MACROD2: variants seen among roughly 807,000 people sequenced by gnomAD.
MACROD2 encodes ADP-ribose glycohydrolase MACROD2.
Under a neutral mutation model 70.4 loss-of-function variants are expected in MACROD2, and 36 were observed. The observed-to-expected ratio is 0.51, with a 90% CI of 0.39 to 0.68. The LOEUF (loss-of-function observed/expected upper bound fraction) is 0.68, where lower values mean the gene tolerates loss of function less well. MACROD2 is among the 30% of genes least tolerant of loss of function. The pLI, the probability that MACROD2 is intolerant of heterozygous loss-of-function variation, is 0.00. For missense variants in MACROD2, 496 were observed against 538.4 expected (o/e 0.92, Z 0.78); for synonymous variants, 172 against 178.8 (o/e 0.96, Z 0.30).
chr20:14,290,754 C>G (rs938884628), intron 3 of MACROD2, among the ~76,000 whole-genome samples: 1 of 152,228 alleles, frequency 6.6e-6, no homozygotes, highest in Non-Finnish European at 1.5e-5. Context: ...GTTGATCCAC[C>G]CGCCTCAGCC....
intron 5 of MACROD2, among the ~76,000 whole-genome samples, chr20:14,859,555 T>C (rs2122350104): frequency 6.6e-6 from 1 of 152,306 alleles, no homozygotes; most frequent in South Asian, 2.1e-4. Flanking sequence ...CACAATACTA[T>C]TTGTTGGATA....
chr20:14,476,925 G>T (rs1481677581), intron 3 of MACROD2, among the ~76,000 whole-genome samples: 1 of 152,022 alleles, frequency 6.6e-6, no homozygotes, highest in African/African-American at 2.4e-5. Flanking sequence ...ACAGTAAAAG[G>T]CCAAGATGTG....
intron 5 of MACROD2, among the ~76,000 whole-genome samples, chr20:14,916,410 C>T (rs567709169): frequency 3.3e-5 from 5 of 152,190 alleles, no homozygotes; most frequent in East Asian, 3.9e-4. Context: ...AAAACTTGGG[C>T]GAAAAATCCA....
intron 6 of MACROD2, among the ~76,000 whole-genome samples, chr20:15,416,229 G>A (rs2046146510): frequency 6.6e-6 from 1 of 152,168 alleles, no homozygotes. Context: ...CAGGCCACGA[G>A]TAGCAATTTT....
At chr20:15,072,368 T>G (rs1462387909) in intron 5 of MACROD2, among the ~76,000 whole-genome samples, 1 of 152,200 alleles carries the variant, frequency 6.6e-6, no homozygotes, top group African/African-American at 2.4e-5. Flanking sequence ...ACAGACAGGA[T>G]AATTCATTTT....
intron 2 of MACROD2, chr20:14,053,396 G>A (rs1346234243): frequency 6.6e-6 from 1 of 152,054 alleles, no homozygotes; most frequent in Non-Finnish European, 1.5e-5. Flanking sequence ...CTTTTAATGT[G>A]GAAAAACAGC....
chr20:16,024,458 A>G (rs959511118), intron 15 of MACROD2, among the ~76,000 whole-genome samples: 4 of 152,136 alleles, frequency 2.6e-5, no homozygotes, highest in African/African-American at 9.7e-5. Context: ...ATAAAAATGT[A>G]AAGAGCACTA....
intron 4 of MACROD2, among the ~76,000 whole-genome samples, chr20:14,612,519 G>A (rs1983229927): frequency 6.6e-6 from 1 of 152,088 alleles, no homozygotes; most frequent in Non-Finnish European, 1.5e-5. Flanking sequence ...AACAGGGACA[G>A]GGTGGGGGTG....
chr20:15,347,921 T>C (rs942962062), intron 6 of MACROD2, among the ~76,000 whole-genome samples: 2 of 152,224 alleles, frequency 1.3e-5, no homozygotes, highest in Admixed American at 6.5e-5. Context: ...TTCCAAGACA[T>C]GAACCTTGTA....
chr20:14,862,642 A>T (rs868113571), intron 5 of MACROD2, among the ~76,000 whole-genome samples: 8 of 8,254 alleles, frequency 9.7e-4, no homozygotes, highest in Admixed American at 2.9e-3. Context: ...TATATATATA[A>T]ATATATATAT....
chr20:14,540,594 G>T (rs1027955560), intron 4 of MACROD2, among the ~76,000 whole-genome samples: 1 of 152,170 alleles, frequency 6.6e-6, no homozygotes, highest in Admixed American at 6.5e-5. Flanking sequence ...GGCCAATCCT[G>T]CCAGTCTCTG....
At chr20:14,132,395 G>A (rs1441138330) in intron 3 of MACROD2, among the ~76,000 whole-genome samples, 2 of 152,212 alleles carry the variant, frequency 1.3e-5, no homozygotes, top group Middle Eastern at 3.4e-3. Context: ...ATGCTGAAAT[G>A]TATGTAGCTT....
intron 8 of MACROD2, among the ~76,000 whole-genome samples, chr20:15,592,284 ATTG>A (rs966366109): frequency 5.9e-5 from 9 of 152,224 alleles, no homozygotes; most frequent in African/African-American, 2.2e-4. Context: ...AATCACTTCT[ATTG>A]TTAAGACAGA....
At chr20:14,480,584 A>G (rs1469290682) in intron 3 of MACROD2, among the ~76,000 whole-genome samples, 1 of 152,214 alleles carries the variant, frequency 6.6e-6, no homozygotes, top group Non-Finnish European at 1.5e-5. Flanking sequence ...GTCAGTAATC[A>G]GCTTCTCACC....
At chr20:14,260,849 A>G (rs2082095914) in intron 3 of MACROD2, among the ~76,000 whole-genome samples, 1 of 152,256 alleles carries the variant, frequency 6.6e-6, no homozygotes, top group Non-Finnish European at 1.5e-5. Flanking sequence ...ATACATAAGT[A>G]TAACAAACAC....
At chr20:14,759,104 T>C (rs527795352) in intron 5 of MACROD2, among the ~76,000 whole-genome samples, 1 of 152,246 alleles carries the variant, frequency 6.6e-6, no homozygotes, top group East Asian at 1.9e-4. Flanking sequence ...ATTAATTCAT[T>C]AATTACTGTA....
intron 5 of MACROD2, among the ~76,000 whole-genome samples, chr20:15,226,449 A>G (rs1026863886): frequency 6.6e-5 from 10 of 152,206 alleles, no homozygotes; most frequent in African/African-American, 2.4e-4. Flanking sequence ...TTCAAAACCC[A>G]TGTGCAAGAT....
intron 4 of MACROD2, among the ~76,000 whole-genome samples, chr20:14,664,879 A>G (rs2070720307): frequency 6.6e-6 from 1 of 152,090 alleles, no homozygotes; most frequent in African/African-American, 2.4e-5. Flanking sequence ...GATGGACAAG[A>G]AATTCACCTG....
chr20:14,902,912 G>T (rs2073913731), intron 5 of MACROD2, among the ~76,000 whole-genome samples: 2 of 151,970 alleles, frequency 1.3e-5, no homozygotes. Context: ...CATGTAGGAA[G>T]TCACAGAGAA....
Sources: gnomAD v4.1 joint callset for allele counts (sites outside exome capture counted in the v4.1 genomes callset) on GRCh38, gnomAD v4.1.1 for gene constraint, MANE v1.5 for transcripts, NCBI Gene and HGNC (gene_info 2026-07-23, HGNC 2026-07-21) for gene names.